The following RAC1 variants were observed in gnomAD, a reference collection of about 807,000 sequenced individuals.
RAC1 encodes ras-related C3 botulinum toxin substrate 1.
RAC1 carries 2 observed loss-of-function variants against 25.2 expected under a neutral mutation model. The ratio of observed to expected loss-of-function variants is 0.08; its 90% CI spans 0.03 to 0.25. RAC1 has a LOEUF of 0.25. RAC1 is among the 10% of genes least tolerant of loss of function. The pLI is 1.00. For missense variants in RAC1, 50 were observed against 235.7 expected (o/e 0.21, Z 5.16); for synonymous variants, 88 against 94.0 (o/e 0.94, Z 0.37).
chr7:6,399,930 C>T (rs1017270750), intron 3 of RAC1, 196 bp from the exon 4 acceptor site: 19 of 590,916 alleles, frequency 3.2e-5, no homozygotes, highest in Admixed American at 1.2e-4. Flanking sequence ...TCATAAGTAA[C>T]TGGTGGCTTG....
chr7:6,402,516 A>C lies in RAC1; in HGVS notation c.*70A>C, dbSNP rs1388588575. On this transcript the variant is annotated 3_prime_UTR_variant, in exon 6 of 6. Coordinates refer to ENST00000348035, the MANE Select transcript of RAC1 (RefSeq NM_006908.5). ...TACGCTTTGCTCAAAAAAAAACAAA[A>C]AAAAAAAACAAAAAAAAAAAACAAC... 1.4e-5 allele frequency: 15 copies of C among 1,058,746 alleles called. No individual in the cohort carries two copies. Among genetic ancestry groups the C allele is most frequent in the Non-Finnish European group, 1.8e-5 (15 of 844,420 alleles). The allele number at this position is 1,058,746 out of a possible 1,614,324, so 65.6% of individuals were successfully genotyped here. A position where few individuals can be genotyped will look rare whatever the true frequency, so the allele number is the denominator to read the frequency against.
chr7:6,379,856 C>G (rs909503094), intron 1 of RAC1, among the ~76,000 whole-genome samples: 1 of 151,396 alleles, frequency 6.6e-6, no homozygotes, highest in Non-Finnish European at 1.5e-5. Context: ...TCAAGCAGTT[C>G]TCCTGCTTTG....
intron 1 of RAC1, among the ~76,000 whole-genome samples, chr7:6,383,987 G>A (rs1782852791): frequency 6.6e-6 from 1 of 151,382 alleles, no homozygotes; most frequent in Non-Finnish European, 1.5e-5. Context: ...GTAGAGAGGG[G>A]TTTCTCCATG....
At chr7:6,396,223 C>A (rs1328047658) in intron 3 of RAC1, among the ~76,000 whole-genome samples, 1 of 152,230 alleles carries the variant, frequency 6.6e-6, no homozygotes, top group East Asian at 1.9e-4. Flanking sequence ...ACTGAGAGAC[C>A]CTGGAGAGAC....
At chr7:6,395,345 G>C (rs955212414) in intron 3 of RAC1, among the ~76,000 whole-genome samples, 1 of 152,224 alleles carries the variant, frequency 6.6e-6, no homozygotes, top group Non-Finnish European at 1.5e-5. Flanking sequence ...CAGCTTGGCA[G>C]TTTTGAGTTT....
At chr7:6,389,074 C>T (rs1412459512) in intron 2 of RAC1, among the ~76,000 whole-genome samples, 2 of 151,966 alleles carry the variant, frequency 1.3e-5, no homozygotes, top group Non-Finnish European at 2.9e-5. Context: ...TGGTGGTGCA[C>T]TCCTGTAGTC....
At chr7:6,380,351 C>A (rs975023013) in intron 1 of RAC1, among the ~76,000 whole-genome samples, 6 of 148,680 alleles carry the variant, frequency 4.0e-5, no homozygotes, top group African/African-American at 1.5e-4. Context: ...GGTTTTTTTT[C>A]TTGATAAGCC....
intron 1 of RAC1, among the ~76,000 whole-genome samples, chr7:6,378,726 G>A (rs1782678010): frequency 6.6e-6 from 1 of 151,806 alleles, no homozygotes; most frequent in South Asian, 2.1e-4. Flanking sequence ...CCACCTTACT[G>A]CTGCCCCACC....
At chr7:6,387,187 C>G (rs1782946793) in intron 1 of RAC1, 25 bp from the exon 2 acceptor site, 1 of 1,468,832 alleles carries the variant, frequency 6.8e-7, no homozygotes, top group Non-Finnish European at 9.3e-7. Flanking sequence ...GTTGACTAAG[C>G]AACCTTTTTT....
At chr7:6,394,010 A>G (rs908035929) in intron 3 of RAC1, among the ~76,000 whole-genome samples, 2 of 152,178 alleles carry the variant, frequency 1.3e-5, no homozygotes, top group African/African-American at 4.8e-5. Flanking sequence ...TTGTTGATAA[A>G]GGGGAAACCT....
chr7:6,400,389 G>C (rs1407163391), intron 4 of RAC1, among the ~76,000 whole-genome samples: 1 of 151,872 alleles, frequency 6.6e-6, no homozygotes, highest in Non-Finnish European at 1.5e-5. Flanking sequence ...AGTTGTAGTG[G>C]TGACATCAGA....
At chr7:6,397,036 C>CAAAAAA (rs151105670) in intron 3 of RAC1, among the ~76,000 whole-genome samples, 47 of 79,910 alleles carry the variant, frequency 5.9e-4, no homozygotes, top group Non-Finnish European at 6.8e-4. Context: ...CTCTCAAAAA[C>CAAAAAA]AAAAAAAAAA....
chr7:6,391,978 C>A lies in RAC1; in HGVS notation c.162C>A (p.Gly54=), dbSNP rs758224256. 1 of 1,614,016 alleles carries A rather than the reference C, an allele frequency of 6.2e-7. No individual in the cohort carries two copies. Among genetic ancestry groups the A allele is most frequent in the Non-Finnish European group, 8.5e-7 (1 of 1,180,016 alleles). The stretch of plus-strand genomic sequence containing the variant: ...TAGATGGAAAACCGGTGAATCTGGG[C>A]TTATGGGATACAGCTGGACAAGAAG... The part of the protein sequence containing the change: ...VMVDGKPVNL[G]LWDTAGQEDY... The change falls in exon 3 of 6, where the codon GGC becomes GGA. Residue 54 remains glycine, a synonymous_variant. Coordinates refer to ENST00000348035, the MANE Select transcript of RAC1 (RefSeq NM_006908.5).
At position 6,391,788 on chromosome 7, in the gene RAC1, C is replaced by G; in HGVS notation, c.108-136C>G. 3.6e-6 allele frequency: 5 copies of G among 1,389,860 alleles called. No homozygotes were observed. In the South Asian group the frequency reaches 6.1e-5, roughly 17 times the overall value. The allele number at this position is 1,389,860 out of a possible 1,614,324, so 86.1% of individuals were successfully genotyped here. ...TGCCCGTGCCGCCTTCCTCCTTGTGCCTGCAGGGACATTTGCTGGTGTGGC... is the reference window on the plus strand; with the variant it reads ...TGCCCGTGCCGCCTTCCTCCTTGTGGCTGCAGGGACATTTGCTGGTGTGGC... On this transcript the variant is annotated intron_variant, in intron 2 of 5. Transcript: ENST00000348035.
chr7:6,388,820 A>G (rs1026500574), intron 2 of RAC1, among the ~76,000 whole-genome samples: 1 of 152,192 alleles, frequency 6.6e-6, no homozygotes, highest in South Asian at 2.1e-4. Context: ...TGCTGGGTTC[A>G]GTGTTGTCCC....
intron 1 of RAC1, among the ~76,000 whole-genome samples, chr7:6,376,672 GT>G (rs71008385): frequency 0.22 from 21,562 of 99,806 alleles, 1,444 homozygotes; most frequent in African/African-American, 0.3. Context: ...CAGCTAATTT[GT>G]TTTTTTTTTT....
At chr7:6,380,036 C>T (rs1782721214) in intron 1 of RAC1, among the ~76,000 whole-genome samples, 1 of 152,182 alleles carries the variant, frequency 6.6e-6, no homozygotes, top group Non-Finnish European at 1.5e-5. Context: ...AGTGGCCTGT[C>T]TAGCCCAATG....
In RAC1 at chr7:6,395,114, C is replaced by A. The variant is rs896581097; in HGVS notation, c.225+3073C>A. ...TGTGATCCGCCCGCCTTGGCCTCCC[C>A]AAGTGCTGGGATTACAAATTTTGTA... On this transcript the variant is annotated intron_variant, in intron 3 of 5. Coordinates refer to ENST00000348035, the MANE Select transcript of RAC1 (RefSeq NM_006908.5). Among the ~76,000 whole-genome samples, 22 of 152,186 alleles carry A rather than the reference C, an allele frequency of 1.4e-4. No individual in the cohort carries two copies. The East Asian group carries it at 3.1e-3, about 21-fold the overall frequency.
intron 1 of RAC1, among the ~76,000 whole-genome samples, chr7:6,379,728 TTTTA>T (rs1315184294): frequency 1.3e-5 from 2 of 152,112 alleles, no homozygotes; most frequent in African/African-American, 4.8e-5. Flanking sequence ...AGTTTTATTA[TTTTA>T]TTTTTTATTT....
Sources: allele counts gnomAD v4.1 joint callset (sites outside exome capture counted in the v4.1 genomes callset), GRCh38; gene constraint gnomAD v4.1.1; transcripts MANE v1.5; gene names NCBI Gene and HGNC (gene_info 2026-07-23, HGNC 2026-07-21).